TTLL11: variants seen among roughly 807,000 people sequenced by gnomAD.
TTLL11 encodes the protein tubulin tyrosine ligase like 11, also known as tubulin polyglutamylase TTLL11.
In TTLL11, 42 loss-of-function variants were observed where a neutral mutation model predicts 51.7. That is an observed-to-expected ratio of 0.81 (90% CI 0.64 to 1.05). The LOEUF (loss-of-function observed/expected upper bound fraction) is 1.05, where lower values mean the gene tolerates loss of function less well. TTLL11 is among the 50% of genes least tolerant of loss of function. TTLL11 has a pLI of 0.00. For missense variants in TTLL11, 799 were observed against 940.4 expected, an observed-to-expected ratio of 0.85 and a Z score of 1.97; for synonymous variants, 381 against 383.5, an observed-to-expected ratio of 0.99 and a Z score of 0.08.
At chr9:122,015,318 A>G (rs980190595) in intron 3 of TTLL11, among the ~76,000 whole-genome samples, 2 of 152,128 alleles carry the variant, frequency 1.3e-5, no homozygotes, top group Admixed American at 1.3e-4. Flanking sequence ...CAAGAACAGT[A>G]TAATACATCC....
chr9:121,982,545 T>C (rs995303537), intron 4 of TTLL11, among the ~76,000 whole-genome samples: 3 of 152,058 alleles, frequency 2.0e-5, no homozygotes, highest in South Asian at 4.2e-4. Flanking sequence ...GGTGAAACCC[T>C]GTCTCTACTA....
chr9:121,868,994 A>G (rs1760558151), intron 7 of TTLL11, among the ~76,000 whole-genome samples: 1 of 152,254 alleles, frequency 6.6e-6, no homozygotes, highest in Admixed American at 6.5e-5. Flanking sequence ...CCCATTTTGC[A>G]GATGAGAGAA....
intron 6 of TTLL11, among the ~76,000 whole-genome samples, chr9:121,902,348 C>A (rs903741406): frequency 6.6e-6 from 1 of 152,176 alleles, no homozygotes; most frequent in Non-Finnish European, 1.5e-5. Context: ...ACAGGTGTGC[C>A]ATGATGGAGG....
chr9:121,832,811 G>T (rs532759464), intron 8 of TTLL11, among the ~76,000 whole-genome samples: 3 of 152,266 alleles, frequency 2.0e-5, no homozygotes, highest in East Asian at 1.9e-4. Flanking sequence ...ATGGTGGCAC[G>T]CACCTGAAGT....
chr9:121,991,424 T>G (rs1843108768), intron 3 of TTLL11, among the ~76,000 whole-genome samples: 1 of 152,234 alleles, frequency 6.6e-6, no homozygotes, highest in Non-Finnish European at 1.5e-5. Context: ...ACTGAGGCTT[T>G]CTTGCAACTG....
chr9:121,826,173 T>TATATATAA lies in TTLL11; in HGVS notation c.1841-3295_1841-3294insTTATATAT, dbSNP rs1462210276. Among the ~76,000 whole-genome samples, 407 of 69,654 alleles carry TATATATAA rather than the reference T, an allele frequency of 5.8e-3. 17 individuals are homozygous for TATATATAA. Among genetic ancestry groups the TATATATAA allele is most frequent in the African/African-American group, 0.02 (387 of 19,178 alleles). 45.7% of individuals were successfully genotyped at this position (69,654 alleles called of 152,430 possible). A position where few individuals can be genotyped will look rare whatever the true frequency, so the allele number is the denominator to read the frequency against. Reference sequence around the variant, plus strand: ...AGTAGAATATATATATATATATATATAACCAGTAACCTATATATATATATA... The same window carrying TATATATAA: ...AGTAGAATATATATATATATATATATATATATAAAACCAGTAACCTATATATATATATA... On this transcript the variant is annotated intron_variant, in intron 8 of 8. Transcript: ENST00000321582.
At position 121,827,607 on chromosome 9, in the gene TTLL11, G is replaced by T. The variant is rs78834821; in HGVS notation, c.1841-4728C>A. 6.4e-3 allele frequency among the ~76,000 whole-genome samples: 969 copies of T among 152,320 alleles called. 8 individuals carry two copies. Among genetic ancestry groups the T allele is most frequent in the African/African-American group, 0.022 (929 of 41,570 alleles). On this transcript the variant is annotated intron_variant, in intron 8 of 8. Transcript: ENST00000321582. ...GAATGCGTGCCAGTGAGTGTGGGGG[G>T]ACGCGGGGATGCCCCAAACTGCACG...
chr9:121,921,064 T>A lies in TTLL11; in HGVS notation c.1482-50316A>T, dbSNP rs148892819. ...GTTAACAGATGGATTTATCCAAGGA[T>A]GAATTAAGAGAGGTGAATTTTTTAG... On this transcript the variant is annotated intron_variant, in intron 6 of 8. Coordinates refer to ENST00000321582, the MANE Select transcript of TTLL11 (RefSeq NM_001139442.2). Among the ~76,000 whole-genome samples, 93 of 152,366 alleles carry A rather than the reference T, an allele frequency of 6.1e-4. No homozygotes were observed. In the Middle Eastern group the frequency reaches 0.014, roughly 22 times the overall value.
At chr9:121,869,957 A>G (rs1838300405) in intron 7 of TTLL11, among the ~76,000 whole-genome samples, 1 of 152,256 alleles carries the variant, frequency 6.6e-6, no homozygotes, top group South Asian at 2.1e-4. Context: ...TAATTTCTTT[A>G]TCTCATGCTT....
intron 6 of TTLL11, among the ~76,000 whole-genome samples, chr9:121,872,381 C>G (rs1261215502): frequency 6.6e-6 from 1 of 152,206 alleles, no homozygotes; most frequent in Non-Finnish European, 1.5e-5. Context: ...GTCTCTCTCA[C>G]CGTTTTGTGA....
chr9:122,091,983 C>T (rs964344639), intron 1 of TTLL11, among the ~76,000 whole-genome samples: 1 of 152,088 alleles, frequency 6.6e-6, no homozygotes, highest in African/African-American at 2.4e-5. Context: ...TGATTTTATA[C>T]CACTGATCAT....
intron 1 of TTLL11, among the ~76,000 whole-genome samples, chr9:122,051,025 C>T (rs762124915): frequency 6.6e-6 from 1 of 152,144 alleles, no homozygotes; most frequent in Non-Finnish European, 1.5e-5. Context: ...AAATTTGTTA[C>T]ACAGCAATAG....
chr9:121,986,291 T>G (rs1588177824), intron 4 of TTLL11, among the ~76,000 whole-genome samples: 1 of 152,100 alleles, frequency 6.6e-6, no homozygotes, highest in Non-Finnish European at 1.5e-5. Flanking sequence ...AGCCTGGCCC[T>G]CCACCCTGCC....
In TTLL11 at chr9:122,031,893, T is replaced by C. The variant is rs1844562797; in HGVS notation, c.560-37A>G. 6.9e-6 allele frequency: 11 copies of C among 1,597,226 alleles called. No individual in the cohort carries two copies. The East Asian group carries it at 2.5e-4, about 36-fold the overall frequency. ...AGACGCTGTGAGGTTTTAACAACAG[T>C]GGGCTACTAGCTATAAAACAGCCAT... On this transcript the variant is annotated intron_variant, in intron 2 of 8. Transcript: ENST00000321582.
chr9:121,921,581 T>A (rs1840547317), intron 6 of TTLL11, among the ~76,000 whole-genome samples: 1 of 152,196 alleles, frequency 6.6e-6, no homozygotes, highest in South Asian at 2.1e-4. Context: ...CAGTAATCCC[T>A]CCCCAGTGCT....
chr9:121,923,589 A>G (rs554390977), intron 6 of TTLL11, among the ~76,000 whole-genome samples: 272 of 152,308 alleles, frequency 1.8e-3, no homozygotes, highest in African/African-American at 6.4e-3. Flanking sequence ...CAGGTGCTTT[A>G]AAAACCATAT....
chr9:121,896,030 ATGTG>A (rs1839507205), intron 6 of TTLL11, among the ~76,000 whole-genome samples: 1 of 107,102 alleles, frequency 9.3e-6, no homozygotes, highest in South Asian at 3.2e-4. Flanking sequence ...GTGTGTATGA[ATGTG>A]TGGTTGTGTA....
At position 121,853,845 on chromosome 9, in the gene TTLL11, C is replaced by T. The variant is rs1271597311; in HGVS notation, c.1840+6492G>A. ...CCCTCTCATCTGGCTGTGAGGCAGG[C>T]CCTTCTTCCCATCTCTGTCCCCAGC... On this transcript the variant is annotated intron_variant, in intron 8 of 8. Coordinates refer to ENST00000321582, the MANE Select transcript of TTLL11 (RefSeq NM_001139442.2). This position sits in a 1 kb window ranked among gnomAD's most constrained non-coding sequence, Gnocchi z 5.6. Among the ~76,000 whole-genome samples the T allele has an allele frequency of 6.6e-6, 1 of 152,206 alleles. No homozygotes were observed. Among genetic ancestry groups the T allele is most frequent in the Non-Finnish European group, 1.5e-5 (1 of 68,038 alleles).
chr9:121,829,747 C>T (rs1378607800), intron 8 of TTLL11, among the ~76,000 whole-genome samples: 2 of 149,944 alleles, frequency 1.3e-5, no homozygotes, highest in Non-Finnish European at 3.0e-5. Flanking sequence ...TAAGATAATG[C>T]ATGCTCGTTG....
Sources: allele counts gnomAD v4.1 joint callset (sites outside exome capture counted in the v4.1 genomes callset), GRCh38; gene constraint gnomAD v4.1.1; non-coding constraint Gnocchi (gnomAD v3.1); transcripts MANE v1.5; gene names NCBI Gene and HGNC (gene_info 2026-07-23, HGNC 2026-07-21).